The following AFG1L variants were observed in gnomAD, a reference collection of about 807,000 sequenced individuals.
AFG1L encodes AFG1 like ATPase.
Under a neutral mutation model 62.2 loss-of-function variants are expected in AFG1L, and 53 were observed. That is an observed-to-expected ratio of 0.85 (90% CI 0.68 to 1.07). The LOEUF (loss-of-function observed/expected upper bound fraction) is 1.07, where lower values mean the gene tolerates loss of function less well. AFG1L is among the 50% of genes least tolerant of loss of function. AFG1L has a pLI of 0.00. For synonymous variants in AFG1L, 228 were observed against 210.3 expected (o/e 1.08, Z -0.73); for missense variants, 555 against 590.5 (o/e 0.94, Z 0.62).
intron 1 of AFG1L, among the ~76,000 whole-genome samples, chr6:108,310,971 G>A (rs1777381874): frequency 6.6e-6 from 1 of 152,106 alleles, no homozygotes; most frequent in African/African-American, 2.4e-5. Flanking sequence ...TCTATGGTAT[G>A]CTGAAAGATT....
At chr6:108,462,011 C>T (rs1009047788) in intron 8 of AFG1L, among the ~76,000 whole-genome samples, 4 of 151,988 alleles carry the variant, frequency 2.6e-5, no homozygotes, top group Admixed American at 2.0e-4. Context: ...AGGAGAATGG[C>T]GTGAACCTGG....
At chr6:108,443,690 C>T (rs923185741) in intron 7 of AFG1L, among the ~76,000 whole-genome samples, 2 of 151,998 alleles carry the variant, frequency 1.3e-5, no homozygotes, top group African/African-American at 4.8e-5. Context: ...GCTTGGCCAA[C>T]AGGGAGAAAC....
intron 10 of AFG1L, among the ~76,000 whole-genome samples, chr6:108,479,490 T>G (rs1039816079): frequency 2.6e-5 from 4 of 152,052 alleles, no homozygotes; most frequent in African/African-American, 4.8e-5. Flanking sequence ...ATAAGTGGGG[T>G]TAGGTCGCAG....
intron 1 of AFG1L, among the ~76,000 whole-genome samples, chr6:108,321,584 A>C (rs1196488993): frequency 6.6e-6 from 1 of 152,218 alleles, no homozygotes; most frequent in Non-Finnish European, 1.5e-5. Flanking sequence ...GGAAATTCCA[A>C]GGGTTTTAGG....
intron 6 of AFG1L, among the ~76,000 whole-genome samples, chr6:108,380,900 T>C (rs1009753894): frequency 1.3e-5 from 2 of 152,224 alleles, no homozygotes; most frequent in African/African-American, 4.8e-5. Context: ...TTCACTCATC[T>C]CTATCAGCTG....
rs1773132559 is a variant in AFG1L, at chr6:108,476,988, A to G, written c.961+53A>G. 3.4e-6 allele frequency: 5 copies of G among 1,455,020 alleles called. No homozygotes were observed. The South Asian group carries it at 4.6e-5, about 13-fold the overall frequency. 90.1% of individuals were successfully genotyped at this position (1,455,020 alleles called of 1,614,324 possible). A position where few individuals can be genotyped will look rare whatever the true frequency, so the allele number is the denominator to read the frequency against. On this transcript the variant is annotated intron_variant, in intron 9 of 12. Transcript: ENST00000368977. ...GAATACATTTAGAACACAATGCCCA[A>G]TCTCCACTGACCAATTAATAAGTTC...
At chr6:108,334,413 C>T (rs1420125260) in intron 2 of AFG1L, among the ~76,000 whole-genome samples, 2 of 151,526 alleles carry the variant, frequency 1.3e-5, no homozygotes, top group South Asian at 4.2e-4. Flanking sequence ...ACTGAGGGGC[C>T]GGGTGTGGTG....
chr6:108,400,582 T>C (rs1204229167), intron 6 of AFG1L, among the ~76,000 whole-genome samples: 1 of 137,080 alleles, frequency 7.3e-6, no homozygotes, highest in Admixed American at 8.1e-5. Flanking sequence ...TATTTATTAT[T>C]ATAATATATA....
intron 10 of AFG1L, among the ~76,000 whole-genome samples, chr6:108,497,821 A>G (rs1451383525): frequency 6.6e-6 from 1 of 152,164 alleles, no homozygotes; most frequent in African/African-American, 2.4e-5. Context: ...AAAAGCTTTC[A>G]CTAGTAAATC....
At chr6:108,412,617 TC>T (rs1782168621) in intron 7 of AFG1L, among the ~76,000 whole-genome samples, 1 of 152,180 alleles carries the variant, frequency 6.6e-6, no homozygotes, top group South Asian at 2.1e-4. Context: ...TATTCAACAT[TC>T]TTAAAGAAAA....
chr6:108,462,395 CCTTG>C, intron 8 of AFG1L, among the ~76,000 whole-genome samples: 1 of 151,856 alleles, frequency 6.6e-6, no homozygotes, highest in African/African-American at 2.4e-5. Flanking sequence ...CAGAGTGAGA[CCTTG>C]TCTCAAAAAA....
chr6:108,458,751 T>C (rs1031555993), intron 8 of AFG1L, among the ~76,000 whole-genome samples: 5 of 152,208 alleles, frequency 3.3e-5, no homozygotes, highest in African/African-American at 1.2e-4. Flanking sequence ...TGGGTCTGTT[T>C]CTATTGATAA....
At chr6:108,501,075 C>T (rs1176270031) in intron 10 of AFG1L, among the ~76,000 whole-genome samples, 1 of 151,956 alleles carries the variant, frequency 6.6e-6, no homozygotes, top group African/African-American at 2.4e-5. Flanking sequence ...CTCACCGCAA[C>T]CTCTGCCTCC....
rs533731425 is a variant in AFG1L at position 108,507,884 on chromosome 6, C to T, written c.1063-2328C>T. 1.2e-4 allele frequency among the ~76,000 whole-genome samples: 19 copies of T among 152,202 alleles called. 1 individual carries two copies. The highest frequency in any genetic ancestry group is 2.2e-4 in the Non-Finnish European group (15 of 68,016). On this transcript the variant is annotated intron_variant, in intron 10 of 12. Transcript: ENST00000368977. ...CAGTCTCATCTGGTGCCTGCTGTGA[C>T]TCCCAAGACAGACAAGTGCACAAAG...
At chr6:108,503,889 G>A (rs563927081) in intron 10 of AFG1L, among the ~76,000 whole-genome samples, 32 of 152,286 alleles carry the variant, frequency 2.1e-4, no homozygotes, top group African/African-American at 7.0e-4. Context: ...TTGAACTTTC[G>A]TTATGGAGAT....
intron 6 of AFG1L, among the ~76,000 whole-genome samples, chr6:108,391,587 T>C (rs557440289): frequency 1.3e-5 from 2 of 152,218 alleles, no homozygotes; most frequent in Non-Finnish European, 2.9e-5. Context: ...GTTGTCTGTT[T>C]ACTCTGCTGA....
intron 3 of AFG1L, among the ~76,000 whole-genome samples, chr6:108,351,486 T>C (rs1282066313): frequency 6.6e-6 from 1 of 152,234 alleles, no homozygotes; most frequent in Non-Finnish European, 1.5e-5. Flanking sequence ...TAGGATTTTT[T>C]TGTGTGTATA....
At chr6:108,401,057 C>G (rs1781581207) in intron 6 of AFG1L, among the ~76,000 whole-genome samples, 1 of 150,692 alleles carries the variant, frequency 6.6e-6, no homozygotes, top group African/African-American at 2.4e-5. Context: ...TAACTTCCAC[C>G]TCCCTGGTTC....
intron 7 of AFG1L, among the ~76,000 whole-genome samples, chr6:108,403,139 T>TTCC (rs1781703392): frequency 6.6e-6 from 1 of 152,144 alleles, no homozygotes; most frequent in Non-Finnish European, 1.5e-5. Context: ...GCACATTATT[T>TTCC]ATAATCTAGT....
Sources: allele counts gnomAD v4.1 joint callset (sites outside exome capture counted in the v4.1 genomes callset), GRCh38; gene constraint gnomAD v4.1.1; transcripts MANE v1.5; gene names NCBI Gene and HGNC (gene_info 2026-07-23, HGNC 2026-07-21).